Variants in SIM1 observed in about 807,000 individuals in gnomAD.
SIM1 encodes the protein SIM bHLH transcription factor 1, also known as single-minded homolog 1.
In SIM1, 18 loss-of-function variants were observed where a neutral mutation model predicts 78.2. The ratio of observed to expected loss-of-function variants is 0.23; its 90% CI spans 0.16 to 0.34. The LOEUF is 0.34. SIM1 is among the 10% of genes least tolerant of loss of function. The pLI is 1.00. For synonymous variants in SIM1, 417 were observed against 385.2 expected, an observed-to-expected ratio of 1.08 and a Z score of -0.97; for missense variants, 939 against 975.1, an observed-to-expected ratio of 0.96 and a Z score of 0.49.
At chr6:100,411,813 T>A (rs1049522651) in intron 10 of SIM1, among the ~76,000 whole-genome samples, 3 of 152,072 alleles carry the variant, frequency 2.0e-5, no homozygotes, top group Non-Finnish European at 4.4e-5. Context: ...CTCAGCAATA[T>A]TTTATGAAAG....
At chr6:100,395,232 C>A (rs1770739731) in intron 10 of SIM1, among the ~76,000 whole-genome samples, 2 of 152,146 alleles carry the variant, frequency 1.3e-5, no homozygotes. Flanking sequence ...TTATTGAGAG[C>A]TTACTATGTG....
At chr6:100,456,484 G>A (rs1582325531) in intron 2 of SIM1, among the ~76,000 whole-genome samples, 1 of 152,348 alleles carries the variant, frequency 6.6e-6, no homozygotes, top group South Asian at 2.1e-4. Context: ...CTTGCAATTC[G>A]GCGAGGCCGA....
intron 9 of SIM1, among the ~76,000 whole-genome samples, chr6:100,434,993 C>T (rs1020102827): frequency 1.3e-5 from 2 of 152,148 alleles, no homozygotes; most frequent in African/African-American, 2.4e-5. Flanking sequence ...TTTGAATCCT[C>T]GTAAAATATT....
rs1316733479 is a variant in SIM1 at position 100,463,218 on chromosome 6, A to T, written c.175+76T>A. 25 of 1,311,222 alleles carry T rather than the reference A, an allele frequency of 1.9e-5. No homozygotes were observed. The East Asian group carries it at 4.7e-4, about 25-fold the overall frequency. The allele number at this position is 1,311,222 out of a possible 1,614,324, so 81.2% of individuals were successfully genotyped here. A position where few individuals can be genotyped will look rare whatever the true frequency, so the allele number is the denominator to read the frequency against. ...TAAATATGTATGCATTTCTCTGGTC[A>T]CTGATGTCGGCTCATTGCCTGGCAA... On this transcript the variant is annotated intron_variant, in intron 2 of 11. Transcript: ENST00000369208.
intron 9 of SIM1, among the ~76,000 whole-genome samples, chr6:100,429,415 T>C (rs1289201533): frequency 6.6e-6 from 1 of 150,634 alleles, no homozygotes; most frequent in Admixed American, 6.6e-5. Context: ...TATCACAGCA[T>C]AATCTCTTCA....
At chr6:100,397,416 T>C (rs1582605438) in intron 10 of SIM1, among the ~76,000 whole-genome samples, 2 of 152,108 alleles carry the variant, frequency 1.3e-5, no homozygotes, top group African/African-American at 4.8e-5. Flanking sequence ...GACAATTCAG[T>C]GAAGGAAACA....
rs762502619 is a variant in SIM1, at chr6:100,390,870, C to A, written c.1792G>T (p.Ala598Ser). The A allele has an allele frequency of 6.2e-7, 1 of 1,614,124 alleles. No homozygotes were observed. Among genetic ancestry groups the A allele is most frequent in the South Asian group, 1.1e-5 (1 of 91,082 alleles). Residue 598 changes from alanine to serine, a missense_variant, in exon 12 of 12, where the codon GCT becomes TCT. This residue lies in a region of SIM1 where 556 missense variants were observed against 521.9 expected (regional missense o/e 1.07). Coordinates refer to ENST00000369208, the MANE Select transcript of SIM1 (RefSeq NM_005068.3). ...AAACACAGGGAGTGTTTTTTCCCAG[C>A]CCCATTAATGGAAGCCAGTTGGTCT... Reference protein sequence around the residue: ...PSDQLASINGAGKKHSLCFAN... With the variant: ...PSDQLASINGSGKKHSLCFAN...
intron 9 of SIM1, among the ~76,000 whole-genome samples, chr6:100,436,394 G>A (rs991487878): frequency 1.1e-4 from 16 of 152,148 alleles, no homozygotes; most frequent in African/African-American, 3.9e-4. Context: ...AATTGAAGGA[G>A]GATCTTTCCA....
rs1770502719 is a variant in SIM1 at position 100,385,696 on chromosome 6, T to TGC, written c.*4664_*4665insGC. 1 of 151,530 alleles carries TGC rather than the reference T, an allele frequency of 6.6e-6. No homozygotes were observed. Among genetic ancestry groups the TGC allele is most frequent in the Non-Finnish European group, 1.5e-5 (1 of 67,870 alleles). The allele number at this position is 151,530 out of a possible 1,614,324, so 9.4% of individuals were successfully genotyped here. The stretch of plus-strand genomic sequence containing the variant: ...GTGTGTGTGTGTGTGTGTGTGTGTG[T>TGC]GTGTGTGTGTGTGTTATAATTGGAT... On this transcript the variant is annotated 3_prime_UTR_variant, in exon 12 of 12. Coordinates refer to ENST00000369208, the MANE Select transcript of SIM1 (RefSeq NM_005068.3).
At chr6:100,447,526 C>T in intron 8 of SIM1, 111 bp from the exon 9 acceptor site, 1 of 1,201,192 alleles carries the variant, frequency 8.3e-7, no homozygotes, top group South Asian at 1.4e-5. Flanking sequence ...CTAATAACTG[C>T]ACCAGGCAGG....
At chr6:100,458,015 T>TCTCC (rs1772722627) in intron 2 of SIM1, among the ~76,000 whole-genome samples, 1 of 10,964 alleles carries the variant, frequency 9.1e-5, no homozygotes, top group African/African-American at 2.3e-4. Context: ...TTTCTCTCTC[T>TCTCC]CTCTCTCTCT....
intron 9 of SIM1, among the ~76,000 whole-genome samples, chr6:100,440,532 G>C (rs767933): frequency 0.31 from 46,939 of 152,078 alleles, 7,444 homozygotes; most frequent in East Asian, 0.44. Flanking sequence ...CCCTCTTCCC[G>C]GCCAGCTCCC....
At chr6:100,448,290 G>A (rs772292124) in intron 7 of SIM1, 38 bp from the exon 8 acceptor site, 32 of 1,531,698 alleles carry the variant, frequency 2.1e-5, no homozygotes, top group Non-Finnish European at 2.4e-5. Context: ...ATGCAGGCGC[G>A]GGTGCAGGGA....
chr6:100,437,245 A>G (rs1013175397), intron 9 of SIM1: 4 of 152,116 alleles, frequency 2.6e-5, no homozygotes, highest in South Asian at 2.1e-4. Flanking sequence ...ATGCATTCCT[A>G]TGTTTTTCAG....
At chr6:100,450,568 A>T (rs1458068902) in intron 3 of SIM1, among the ~76,000 whole-genome samples, 1 of 152,238 alleles carries the variant, frequency 6.6e-6, no homozygotes, top group African/African-American at 2.4e-5. Context: ...CCAATGGGAA[A>T]GATCCAGAGT....
intron 2 of SIM1, among the ~76,000 whole-genome samples, chr6:100,459,074 GA>G (rs962519478): frequency 2.0e-5 from 3 of 152,182 alleles, no homozygotes; most frequent in African/African-American, 7.2e-5. Flanking sequence ...GTAAAAGCTG[GA>G]AGCTCCCAAG....
chr6:100,424,767 T>C (rs1251668968), intron 9 of SIM1, among the ~76,000 whole-genome samples: 1 of 152,082 alleles, frequency 6.6e-6, no homozygotes, highest in African/African-American at 2.4e-5. Context: ...TTAGATGAAA[T>C]ATTCTGTGAA....
chr6:100,437,938 G>A lies in SIM1; in HGVS notation c.998+9330C>T, dbSNP rs530926246. 8.5e-5 allele frequency among the ~76,000 whole-genome samples: 13 copies of A among 152,176 alleles called. No homozygotes were observed. The South Asian group carries it at 1.0e-3, about 12-fold the overall frequency. ...GAAACATGCTCAGTTCTGGATCCCC[G>A]TCTCTCACCTTGTACAAAAATCAAC... On this transcript the variant is annotated intron_variant, in intron 9 of 11. Coordinates refer to ENST00000369208, the MANE Select transcript of SIM1 (RefSeq NM_005068.3).
rs139754745 is a variant in SIM1 at position 100,390,436 on chromosome 6, A to G, written c.2226T>C (p.Thr742=). ...GGTCTGGTTGCATCCTCAGATGGGA[A>G]GTTACATCAAAGTGTGAGCCATTAC... The part of the protein sequence containing the change: ...LGCNGSHFDV[T]SHLRMQPDPA... The change falls in exon 12 of 12, where the codon ACT becomes ACC. Residue 742 remains threonine, a synonymous_variant. Transcript: ENST00000369208. 4.0e-5 allele frequency: 64 copies of G among 1,614,176 alleles called. No individual in the cohort carries two copies. In the African/African-American group the frequency reaches 7.6e-4, roughly 19 times the overall value.
Sources: allele counts gnomAD v4.1 joint callset (sites outside exome capture counted in the v4.1 genomes callset), GRCh38; gene constraint gnomAD v4.1.1; regional missense constraint gnomAD v4.1.1; transcripts MANE v1.5; gene names NCBI Gene and HGNC (gene_info 2026-07-23, HGNC 2026-07-21).